The following AIG1 variants were observed in gnomAD, a reference collection of about 807,000 sequenced individuals.
AIG1 encodes androgen-induced gene 1 protein.
A neutral mutation model predicts 31.4 loss-of-function variants in AIG1; 23 were observed. That is an observed-to-expected ratio of 0.73 (90% CI 0.53 to 1.04). The LOEUF (loss-of-function observed/expected upper bound fraction) is 1.04, where lower values mean the gene tolerates loss of function less well. AIG1 is among the 50% of genes least tolerant of loss of function. The pLI is 0.00. For missense variants in AIG1, 274 were observed against 295.0 expected, an observed-to-expected ratio of 0.93 and a Z score of 0.52; for synonymous variants, 100 against 110.5, an observed-to-expected ratio of 0.90 and a Z score of 0.60.
At chr6:143,323,530 G>C (rs1776384489) in intron 4 of AIG1, among the ~76,000 whole-genome samples, 1 of 152,190 alleles carries the variant, frequency 6.6e-6, no homozygotes. Flanking sequence ...ACCTGAGTTA[G>C]AGATGATTTC....
intron 3 of AIG1, among the ~76,000 whole-genome samples, chr6:143,274,195 A>C (rs1796733193): frequency 6.6e-6 from 1 of 152,126 alleles, no homozygotes; most frequent in African/African-American, 2.4e-5. Flanking sequence ...CCCTCATAGG[A>C]GATCTACCCC....
chr6:143,060,884 C>G (rs1235224609), upstream of AIG1: 1 of 1,391,090 alleles, frequency 7.2e-7, no homozygotes, highest in Non-Finnish European at 9.4e-7. Flanking sequence ...TCCCTCACGC[C>G]CGCCCTCCTT....
intron 3 of AIG1, among the ~76,000 whole-genome samples, chr6:143,224,680 A>C (rs1472705342): frequency 6.6e-6 from 1 of 152,158 alleles, no homozygotes; most frequent in Non-Finnish European, 1.5e-5. Context: ...GCTATGAGTA[A>C]TGTAGTAGGT....
At chr6:143,159,445 A>T (rs552815717) in intron 2 of AIG1, among the ~76,000 whole-genome samples, 5 of 152,270 alleles carry the variant, frequency 3.3e-5, no homozygotes, top group Non-Finnish European at 5.9e-5. Context: ...ACCCACGAAA[A>T]AAAGAGCATA....
At chr6:143,171,455 AATAT>A (rs1389187063) in intron 3 of AIG1, among the ~76,000 whole-genome samples, 2 of 56,080 alleles carry the variant, frequency 3.6e-5, no homozygotes, top group Non-Finnish European at 5.3e-5. Flanking sequence ...ATATATATTT[AATAT>A]ATATATTTAA....
intron 4 of AIG1, among the ~76,000 whole-genome samples, chr6:143,311,497 A>C (rs1172987917): frequency 6.6e-6 from 1 of 151,978 alleles, no homozygotes; most frequent in African/African-American, 2.4e-5. Flanking sequence ...GCATGCAAGG[A>C]TGGTCAACAT....
rs112017459 is a variant in AIG1 at position 143,223,465 on chromosome 6, T to C, written c.399+58282T>C. Among the ~76,000 whole-genome samples, 534 of 152,314 alleles carry C rather than the reference T, an allele frequency of 3.5e-3. 1 individual carries two copies. Among genetic ancestry groups the C allele is most frequent in the African/African-American group, 0.012 (506 of 41,572 alleles). On this transcript the variant is annotated intron_variant, in intron 3 of 5. Coordinates refer to ENST00000357847, the MANE Select transcript of AIG1 (RefSeq NM_016108.4). ...ACAAGACTAGTAACTCAAGTTTTTG[T>C]TAATGAATTAATTTTTTTTCAAATG...
At position 143,183,836 on chromosome 6, in the gene AIG1, G is replaced by A. The variant is rs114501484; in HGVS notation, c.399+18653G>A. On this transcript the variant is annotated intron_variant, in intron 3 of 5. Transcript: ENST00000357847. ...TTTATGTTTAGGGGAGGGGGTGGTG[G>A]AAGGCAGGAAGGTACTGTTCTAGGA... is the stretch of plus-strand genomic sequence containing the variant. Among the ~76,000 whole-genome samples the A allele has an allele frequency of 5.2e-3, 797 of 152,228 alleles. 7 individuals carry two copies. The highest frequency in any genetic ancestry group is 0.018 in the African/African-American group (748 of 41,546).
At chr6:143,323,153 T>C (rs1292940477) in intron 4 of AIG1, among the ~76,000 whole-genome samples, 1 of 152,198 alleles carries the variant, frequency 6.6e-6, no homozygotes, top group East Asian at 1.9e-4. Flanking sequence ...GCAGGACCAG[T>C]TAATCGTTGA....
chr6:143,116,906 G>C (rs978452755), intron 1 of AIG1, among the ~76,000 whole-genome samples: 1 of 151,852 alleles, frequency 6.6e-6, no homozygotes, highest in African/African-American at 2.4e-5. Flanking sequence ...TCCCAAATCG[G>C]GGCCTTGATT....
intron 3 of AIG1, among the ~76,000 whole-genome samples, chr6:143,254,664 T>A (rs1795251421): frequency 6.6e-6 from 1 of 152,294 alleles, no homozygotes; most frequent in East Asian, 1.9e-4. Flanking sequence ...GTTTATTATT[T>A]TGTTTCCTAA....
chr6:143,134,396 CTTTTTTT>C (rs61322198), intron 1 of AIG1, among the ~76,000 whole-genome samples: 1 of 111,388 alleles, frequency 9.0e-6, no homozygotes, highest in South Asian at 2.8e-4. Flanking sequence ...TCCTGGTTTC[CTTTTTTT>C]TTTTTTTTTT....
At position 143,275,596 on chromosome 6, in the gene AIG1, T is replaced by A. The variant is rs937603826; in HGVS notation, c.400-8514T>A. Among the ~76,000 whole-genome samples the A allele has an allele frequency of 2.3e-4, 35 of 152,158 alleles. 2 individuals are homozygous for A. The highest frequency in any genetic ancestry group is 2.0e-3 in the Admixed American group (31 of 15,268). ...AGTGGACTGTGCTGTACCTTTACTT[T>A]TTCTTCTCCTTGGCCATGTGAATGA... is the stretch of plus-strand genomic sequence containing the variant. On this transcript the variant is annotated intron_variant, in intron 3 of 5. Coordinates refer to ENST00000357847, the MANE Select transcript of AIG1 (RefSeq NM_016108.4).
rs186825976 is a variant in AIG1 at position 143,339,704 on chromosome 6, T to C, written c.*28T>C. The C allele has an allele frequency of 5.0e-6, 8 of 1,611,408 alleles. No homozygotes were observed. Among genetic ancestry groups the C allele is most frequent in the East Asian group, 4.5e-5 (2 of 44,692 alleles). On this transcript the variant is annotated 3_prime_UTR_variant, in exon 6 of 6. Coordinates refer to ENST00000357847, the MANE Select transcript of AIG1 (RefSeq NM_016108.4). ...TCCAAGTCTAAACGCAAGAGCTAGATTGAGCCGCCATTGAAGACTCCTTCC... is the reference window on the plus strand; with the variant it reads ...TCCAAGTCTAAACGCAAGAGCTAGACTGAGCCGCCATTGAAGACTCCTTCC...
At chr6:143,254,854 T>C (rs182189733) in intron 3 of AIG1, among the ~76,000 whole-genome samples, 2 of 152,026 alleles carry the variant, frequency 1.3e-5, no homozygotes, top group Non-Finnish European at 2.9e-5. Flanking sequence ...TCTCTACAAA[T>C]AATAATAGTA....
In AIG1 at chr6:143,331,720, C is replaced by T. The variant is rs568310105; in HGVS notation, c.516-1562C>T. ...ACATAAAAAGTGCAAAATTGTTTTA[C>T]CACCAACCCCAGAATGAATTTTCGC... is the stretch of plus-strand genomic sequence containing the variant. On this transcript the variant is annotated intron_variant, in intron 4 of 5. Transcript: ENST00000357847. The surrounding 1 kb of genome is among the most constrained non-coding windows in gnomAD (Gnocchi z 4.1). 8.0e-4 allele frequency among the ~76,000 whole-genome samples: 122 copies of T among 151,840 alleles called. No individual in the cohort carries two copies. The highest frequency in any genetic ancestry group is 2.7e-3 in the African/African-American group (111 of 41,406).
Position 143,333,157 on chromosome 6 carries a change from G to A in AIG1, c.516-125G>A, listed in dbSNP as rs994681729. 1.3e-5 allele frequency: 13 copies of A among 965,774 alleles called. No homozygotes were observed. Among genetic ancestry groups the A allele is most frequent in the African/African-American group, 5.1e-5 (3 of 59,180 alleles). 59.8% of individuals were successfully genotyped at this position (965,774 alleles called of 1,614,324 possible). On this transcript the variant is annotated intron_variant, in intron 4 of 5. Transcript: ENST00000357847. The surrounding 1 kb of genome is among the most constrained non-coding windows in gnomAD (Gnocchi z 4.6). ...CCAGTAGCTCCTGAGTATCAGAAGC[G>A]AACTTGAGACTGGCAAATGCTGAAG...
intron 3 of AIG1, among the ~76,000 whole-genome samples, chr6:143,177,882 T>C (rs1325732778): frequency 6.6e-6 from 1 of 152,100 alleles, no homozygotes; most frequent in Non-Finnish European, 1.5e-5. Context: ...GGGTCGCCAG[T>C]GGTGGCATAT....
At chr6:143,122,008 G>GT (rs1782283763) in intron 1 of AIG1, among the ~76,000 whole-genome samples, 2 of 152,216 alleles carry the variant, frequency 1.3e-5, no homozygotes, top group South Asian at 4.2e-4. Flanking sequence ...TTTAAAATTA[G>GT]TGTACCTTAT....
Sources: allele counts gnomAD v4.1 joint callset (sites outside exome capture counted in the v4.1 genomes callset), GRCh38; gene constraint gnomAD v4.1.1; non-coding constraint Gnocchi (gnomAD v3.1); transcripts MANE v1.5; gene names NCBI Gene and HGNC (gene_info 2026-07-23, HGNC 2026-07-21).